Variants in CDC42BPB observed in about 807,000 individuals in gnomAD.
CDC42BPB encodes the protein serine/threonine-protein kinase MRCK beta.
Under a neutral mutation model 214.9 loss-of-function variants are expected in CDC42BPB, and 37 were observed. The ratio of observed to expected loss-of-function variants is 0.17; its 90% confidence interval spans 0.13 to 0.23. CDC42BPB has a LOEUF of 0.23. Among genes scored for constraint, CDC42BPB ranks in the 10% least tolerant of loss-of-function variants. CDC42BPB has a pLI of 1.00. For missense variants in CDC42BPB, 1,694 were observed against 2,227.0 expected, an observed-to-expected ratio of 0.76 and a Z score of 4.82; for synonymous variants, 931 against 884.0, an observed-to-expected ratio of 1.05 and a Z score of -0.94.
intron 5 of CDC42BPB, among the ~76,000 whole-genome samples, chr14:102,989,673 G>T (rs1462586058): frequency 1.3e-5 from 2 of 152,128 alleles, no homozygotes; most frequent in Non-Finnish European, 2.9e-5. Context: ...GGGAGTTTGA[G>T]ACCAGCCTCA....
At chr14:102,989,604 G>A (rs1894399598) in intron 5 of CDC42BPB, among the ~76,000 whole-genome samples, 1 of 152,200 alleles carries the variant, frequency 6.6e-6, no homozygotes, top group Admixed American at 6.5e-5. Flanking sequence ...CGGGTGCGAT[G>A]GCTCACGCCT....
rs564410779 is a variant in CDC42BPB at position 103,041,002 on chromosome 14, A to G, written c.175+15997T>C. Among the ~76,000 whole-genome samples the G allele has an allele frequency of 4.0e-4, 61 of 152,316 alleles. No individual in the cohort carries two copies. In the South Asian group the frequency reaches 0.012, roughly 29 times the overall value. On this transcript the variant is annotated intron_variant, in intron 1 of 36. Transcript: ENST00000361246. ...TCTTGAAAAACAACAAAGTTGGAGG[A>G]CTCATACTTCCTAATTTGAAAACTT...
At chr14:103,035,257 T>C (rs1311734814) in intron 1 of CDC42BPB, among the ~76,000 whole-genome samples, 2 of 152,010 alleles carry the variant, frequency 1.3e-5, no homozygotes, top group Non-Finnish European at 2.9e-5. Flanking sequence ...GGGTTTCTCC[T>C]TGTCGGTCAG....
intron 5 of CDC42BPB, among the ~76,000 whole-genome samples, chr14:102,998,575 G>A (rs1894842979): frequency 6.6e-6 from 1 of 152,250 alleles, no homozygotes. Context: ...ATGTGAAGAT[G>A]TGGACTCAGT....
intron 5 of CDC42BPB, among the ~76,000 whole-genome samples, chr14:102,994,356 T>C (rs373954174): frequency 6.7e-6 from 1 of 149,692 alleles, no homozygotes; most frequent in East Asian, 1.9e-4. Context: ...ATTTAAAACA[T>C]GTGGTGGTGG....
intron 19 of CDC42BPB, 110 bp downstream of exon 19, chr14:102,964,392 C>T (rs1360030665): frequency 3.4e-5 from 45 of 1,333,120 alleles, no homozygotes; most frequent in Middle Eastern, 2.2e-4. Context: ...CAGCAAACGC[C>T]GTGGCCCCGA....
At chr14:103,008,170 T>C (rs572631169) in intron 3 of CDC42BPB, among the ~76,000 whole-genome samples, 1 of 152,364 alleles carries the variant, frequency 6.6e-6, no homozygotes, top group East Asian at 1.9e-4. Flanking sequence ...GGAGCAGAAC[T>C]GCAATCAATG....
chr14:102,999,707 C>T lies in CDC42BPB; in HGVS notation c.454G>A (p.Val152Ile), dbSNP rs773322928. The T allele has an allele frequency of 1.9e-6, 3 of 1,614,076 alleles. No homozygotes were observed. Among genetic ancestry groups the T allele is most frequent in the Non-Finnish European group, 2.5e-6 (3 of 1,179,996 alleles). ...TCACCACCCACATAGTAATCCATGA[C>T]TAAGTACTACAAATTGGAAAGAGAA... The part of the protein sequence containing the change: ...AFQDENHLYL[V>I]MDYYVGGDLL... The change falls in exon 5 of 37, where the codon GTC becomes ATC. Residue 152 changes from valine to isoleucine, a missense_variant. Physicochemically the swap from Val to Ile is conservative, Grantham distance 29. Around this residue, in one of 7 missense-constraint regions of CDC42BPB, gnomAD observed 225 missense variants for 459.3 expected, o/e 0.49. Transcript: ENST00000361246.
intron 5 of CDC42BPB, among the ~76,000 whole-genome samples, chr14:102,996,331 C>T (rs1375224153): frequency 6.6e-6 from 1 of 152,026 alleles, no homozygotes; most frequent in African/African-American, 2.4e-5. Flanking sequence ...CAGAGCAAGA[C>T]TCCGTCTCAA....
In CDC42BPB at chr14:103,004,833, T is replaced by C. The variant is rs2139612955; in HGVS notation, c.352-810A>G. Among the ~76,000 whole-genome samples the C allele has an allele frequency of 6.7e-6, 1 of 149,612 alleles. No individual in the cohort carries two copies. The highest frequency in any genetic ancestry group is 2.0e-4 in the East Asian group (1 of 5,022). On this transcript the variant is annotated intron_variant, in intron 3 of 36. Coordinates refer to ENST00000361246, the MANE Select transcript of CDC42BPB (RefSeq NM_006035.4). This position sits in a 1 kb window ranked among gnomAD's most constrained non-coding sequence, Gnocchi z 5.3. ...GCGGTGAGCCAAAATTGCATCACCG[T>C]ACTCCAGCCTGGACGACAGAGCCAG...
In CDC42BPB at chr14:102,972,237, A is replaced by G. The variant is rs1472758124; in HGVS notation, c.1642-76T>C. ...AAGGCTGGAGGTTCGGTCTTCCATGATATTGAGGAGTTAAAAGCGACAGCC... is the reference window on the plus strand; with the variant it reads ...AAGGCTGGAGGTTCGGTCTTCCATGGTATTGAGGAGTTAAAAGCGACAGCC... On this transcript the variant is annotated intron_variant, in intron 12 of 36. Coordinates refer to ENST00000361246, the MANE Select transcript of CDC42BPB (RefSeq NM_006035.4). 3 of 1,569,800 alleles carry G rather than the reference A, an allele frequency of 1.9e-6. No homozygotes were observed. The African/African-American group carries it at 4.1e-5, about 21-fold the overall frequency.
intron 5 of CDC42BPB, among the ~76,000 whole-genome samples, chr14:102,988,577 G>C (rs531570866): frequency 6.6e-6 from 1 of 152,264 alleles, no homozygotes; most frequent in East Asian, 1.9e-4. Context: ...TGTGGTGCTA[G>C]TGTGTGCAGA....
At position 103,040,233 on chromosome 14, in the gene CDC42BPB, C is replaced by T. The variant is rs181838351; in HGVS notation, c.175+16766G>A. ...AGCCAGGCGTCGTGGCGGGTGCCTG[C>T]AATCCCAGCTACTCGGGAGGCTGAG... On this transcript the variant is annotated intron_variant, in intron 1 of 36. Transcript: ENST00000361246. Among the ~76,000 whole-genome samples the T allele has an allele frequency of 8.7e-3, 1,319 of 151,850 alleles. 18 individuals are homozygous for T. Among genetic ancestry groups the T allele is most frequent in the African/African-American group, 0.03 (1,248 of 41,446 alleles).
At chr14:102,951,634 C>T (rs975653429) in intron 24 of CDC42BPB, among the ~76,000 whole-genome samples, 1 of 152,012 alleles carries the variant, frequency 6.6e-6, no homozygotes, top group African/African-American at 2.4e-5. Flanking sequence ...ACTAAGAACA[C>T]AAAAATTAGC....
intron 25 of CDC42BPB, 28 bp from the exon 26 acceptor site, chr14:102,949,932 G>A (rs1033965409): frequency 2.5e-6 from 4 of 1,610,464 alleles, no homozygotes; most frequent in East Asian, 4.5e-5. Context: ...CAGTGGCCAC[G>A]TTCCACCAGG....
At chr14:102,970,463 G>A (rs1377216420) in intron 13 of CDC42BPB, 2 of 740,974 alleles carry the variant, frequency 2.7e-6, no homozygotes, top group African/African-American at 3.8e-5. Context: ...AATAAAACAA[G>A]GTTCAATTCT....
In CDC42BPB at chr14:102,959,685, A is replaced by C. The variant is rs1159318563; in HGVS notation, c.2847T>G (p.Asp949Glu). Residue 949 changes from aspartate (D) to glutamate (E), a missense_variant, in exon 21 of 37, where the codon GAT (aspartate) becomes GAG (glutamate). Physicochemically the swap from Asp to Glu is conservative, Grantham distance 45. This residue lies in a region of CDC42BPB where 156 missense variants were observed against 154.5 expected (regional missense o/e 1.01). Coordinates refer to ENST00000361246, the MANE Select transcript of CDC42BPB (RefSeq NM_006035.4). Reference protein sequence around the residue: ...DTGLKLPDFQDSIFEYFNTAP... With the variant: ...DTGLKLPDFQESIFEYFNTAP... Reference sequence around the variant, plus strand: ...CAGTGTTGAAATACTCAAAAATGGAATCCTGAAAATCTGGAAGTTTGAGCC... The same window carrying C: ...CAGTGTTGAAATACTCAAAAATGGACTCCTGAAAATCTGGAAGTTTGAGCC... 1 of 1,612,590 alleles carries C rather than the reference A, an allele frequency of 6.2e-7. No homozygotes were observed. The highest frequency in any genetic ancestry group is 8.5e-7 in the Non-Finnish European group (1 of 1,179,622).
rs754494837 is a variant in CDC42BPB, at chr14:102,986,599, C to T, written c.597-19G>A. 6.2e-7 allele frequency: 1 copy of T among 1,608,634 alleles called. No homozygotes were observed. The highest frequency in any genetic ancestry group is 2.2e-5 in the East Asian group (1 of 44,846). On this transcript the variant is annotated intron_variant, in intron 5 of 36. Coordinates refer to ENST00000361246, the MANE Select transcript of CDC42BPB (RefSeq NM_006035.4). The stretch of plus-strand genomic sequence containing the variant: ...AATGTCTCTGTTTGTAAAATAAACA[C>T]ACAAATTAACCATCTCCATGCAACA...
chr14:102,938,081 C>T, intron 36 of CDC42BPB, 23 bp downstream of exon 36: 2 of 1,612,622 alleles, frequency 1.2e-6, no homozygotes, highest in South Asian at 2.2e-5. Flanking sequence ...ATAGCCTCAG[C>T]ACTGGACCTG....
Sources: allele counts gnomAD v4.1 joint callset (sites outside exome capture counted in the v4.1 genomes callset), GRCh38; gene constraint gnomAD v4.1.1; regional missense constraint gnomAD v4.1.1; non-coding constraint Gnocchi (gnomAD v3.1); transcripts MANE v1.5; gene names NCBI Gene and HGNC (gene_info 2026-07-23, HGNC 2026-07-21).